The following CAPS2 variants were observed in gnomAD, a reference collection of about 807,000 sequenced individuals.
CAPS2 encodes calcyphosin-2.
CAPS2 carries 98 observed loss-of-function variants against 86.5 expected under a neutral mutation model. That is an observed-to-expected ratio of 1.13 (90% confidence interval 0.96 to 1.34). The LOEUF is 1.34. Among genes scored for constraint, CAPS2 ranks in the 40% most tolerant of loss-of-function variants. The pLI, the probability that CAPS2 is intolerant of heterozygous loss-of-function variation, is 0.00. For synonymous variants in CAPS2, 210 were observed against 225.1 expected, an observed-to-expected ratio of 0.93 and a Z score of 0.60; for missense variants, 729 against 686.8, an observed-to-expected ratio of 1.06 and a Z score of -0.69.
rs1032396360 is a variant in CAPS2, at chr12:75,341,536, T to A, written c.-394-18314A>T. ...GTCTCGGCTCACTGCAAGCTCCGCCTCCCGGGTTCACGCCATTCTCCTGCC... is the reference window on the plus strand; with the variant it reads ...GTCTCGGCTCACTGCAAGCTCCGCCACCCGGGTTCACGCCATTCTCCTGCC... On this transcript the variant is annotated intron_variant, in intron 1 of 5. Transcript: ENST00000551829. Among the ~76,000 whole-genome samples, 18 of 152,102 alleles carry A rather than the reference T, an allele frequency of 1.2e-4. 1 individual carries two copies. The highest frequency in any genetic ancestry group is 9.2e-4 in the Admixed American group (14 of 15,266).
chr12:75,318,347 T>C (rs2039979707), intron 5 of CAPS2, among the ~76,000 whole-genome samples: 1 of 152,108 alleles, frequency 6.6e-6, no homozygotes, highest in African/African-American at 2.4e-5. Context: ...TCTTCCTGCT[T>C]TTATCTTTGT....
intron 7 of CAPS2, among the ~76,000 whole-genome samples, chr12:75,308,362 G>T (rs897692360): frequency 6.6e-6 from 1 of 152,180 alleles, no homozygotes; most frequent in Non-Finnish European, 1.5e-5. Context: ...TGTACACCAA[G>T]TAACCAATGG....
At chr12:75,290,314 G>T (rs572999036) in intron 13 of CAPS2, among the ~76,000 whole-genome samples, 1 of 152,114 alleles carries the variant, frequency 6.6e-6, no homozygotes, top group African/African-American at 2.4e-5. Context: ...TTCATAAGAG[G>T]TTATTTGCTT....
exon 12 of CAPS2, chr12:75,293,319 T>C (rs2036328395): frequency 6.2e-7 from 1 of 1,612,466 alleles, no homozygotes; most frequent in Non-Finnish European, 8.5e-7. Flanking sequence ...TCTTTGATGC[T>C]TTCTGGAAGG....
chr12:75,288,029 G>A (rs2035205286), intron 14 of CAPS2, among the ~76,000 whole-genome samples: 1 of 152,330 alleles, frequency 6.6e-6, no homozygotes, highest in Non-Finnish European at 1.5e-5. Context: ...ACCCCCACAA[G>A]CATTTGGTTG....
chr12:75,294,457 C>T (rs971058286), intron 11 of CAPS2, among the ~76,000 whole-genome samples: 2 of 152,142 alleles, frequency 1.3e-5, no homozygotes, highest in African/African-American at 2.4e-5. Context: ...TCTCAAGGAC[C>T]GGTGAGCCAC....
intron 1 of CAPS2, chr12:75,360,268 A>G (rs117039488): frequency 1.1e-4 from 17 of 152,338 alleles, no homozygotes; most frequent in Non-Finnish European, 1.6e-4. Flanking sequence ...CCAACCAATC[A>G]TGCCTACGCA....
intron 11 of CAPS2, among the ~76,000 whole-genome samples, chr12:75,297,903 G>T (rs1294990345): frequency 1.3e-5 from 2 of 152,014 alleles, no homozygotes; most frequent in African/African-American, 4.8e-5. Context: ...ATTTTCTCTA[G>T]GAAGCCTCCT....
intron 12 of CAPS2, among the ~76,000 whole-genome samples, chr12:75,292,555 T>G (rs925401790): frequency 6.7e-6 from 1 of 148,284 alleles, no homozygotes; most frequent in Non-Finnish European, 1.5e-5. Context: ...TTTTGTAGGA[T>G]ATAGCCTCTA....
upstream of CAPS2, among the ~76,000 whole-genome samples, chr12:75,333,621 A>T (rs1296046815): frequency 2.6e-5 from 4 of 152,032 alleles, no homozygotes; most frequent in African/African-American, 9.7e-5. Context: ...GGATCCTTGC[A>T]TTTTTCGTTT....
intron 1 of CAPS2, among the ~76,000 whole-genome samples, chr12:75,350,903 G>C (rs2042765765): frequency 6.6e-6 from 1 of 152,190 alleles, no homozygotes; most frequent in Non-Finnish European, 1.5e-5. Flanking sequence ...ACTTCACTGA[G>C]CTAAAGGAGT....
intron 13 of CAPS2, among the ~76,000 whole-genome samples, chr12:75,290,279 T>C (rs544207013): frequency 2.6e-4 from 39 of 152,342 alleles, no homozygotes; most frequent in Non-Finnish European, 4.4e-4. Flanking sequence ...TCAAAGCTTT[T>C]GAATTCTATC....
chr12:75,350,123 T>C lies in CAPS2; in HGVS notation c.-394-26901A>G, dbSNP rs1000219512. ...AGCACAGCACAGCCACTGTGACAGTTTGTGGCCAGACTGCTTCTTTAAGCG... is the reference window on the plus strand; with the variant it reads ...AGCACAGCACAGCCACTGTGACAGTCTGTGGCCAGACTGCTTCTTTAAGCG... On this transcript the variant is annotated intron_variant, in intron 1 of 5. Coordinates refer to the CAPS2 transcript ENST00000551829. 3.9e-5 allele frequency among the ~76,000 whole-genome samples: 6 copies of C among 152,190 alleles called. No individual in the cohort carries two copies. The East Asian group carries it at 9.6e-4, about 24-fold the overall frequency.
At chr12:75,373,959 C>G (rs1300357421) in intron 1 of CAPS2, 1 of 152,206 alleles carries the variant, frequency 6.6e-6, no homozygotes, top group Non-Finnish European at 1.5e-5. Context: ...ATAGGCATTT[C>G]AGGTTGCATG....
Position 75,385,377 on chromosome 12 carries a change from A to G in CAPS2, c.-395+5461T>C, listed in dbSNP as rs187641889. On this transcript the variant is annotated intron_variant, in intron 1 of 5. Transcript: ENST00000551829. ...TATGATTATATCCATAGATGCAGGA[A>G]GAGCACTGGACAAAATCCAGTATGA... Among the ~76,000 whole-genome samples the G allele has an allele frequency of 2.0e-5, 3 of 152,304 alleles. No homozygotes were observed. The East Asian group carries it at 5.8e-4, about 29-fold the overall frequency.
At chr12:75,355,404 A>C (rs749562293) in intron 1 of CAPS2, among the ~76,000 whole-genome samples, 5 of 152,248 alleles carry the variant, frequency 3.3e-5, no homozygotes, top group Non-Finnish European at 7.3e-5. Flanking sequence ...AGAAATGCAA[A>C]TCAAAATCGC....
chr12:75,283,795 C>G (rs1174162009), intron 15 of CAPS2, among the ~76,000 whole-genome samples: 3 of 152,088 alleles, frequency 2.0e-5, no homozygotes, highest in Admixed American at 6.5e-5. Flanking sequence ...GCCTGGGCAA[C>G]AGAGCAAGAC....
chr12:75,284,917 A>G, intron 15 of CAPS2, 44 bp downstream of exon 15: 1 of 1,510,974 alleles, frequency 6.6e-7, no homozygotes, highest in Non-Finnish European at 9.0e-7. Context: ...GAACCTAACA[A>G]TCTATTAAAA....
At chr12:75,304,775 C>A in exon 8 of CAPS2, 1 of 1,597,662 alleles carries the variant, frequency 6.3e-7, no homozygotes, top group Non-Finnish European at 8.5e-7. Flanking sequence ...ATGTAGTGTT[C>A]TTTTTCTAAA....
Sources: gnomAD v4.1 joint callset for allele counts (sites outside exome capture counted in the v4.1 genomes callset) on GRCh38, gnomAD v4.1.1 for gene constraint, MANE v1.5 for transcripts, NCBI Gene and HGNC (gene_info 2026-07-23, HGNC 2026-07-21) for gene names.